Variants in CUBN observed in about 807,000 individuals in gnomAD.
CUBN encodes the protein cubilin, also known as 460 kDa receptor.
A neutral mutation model predicts 405.3 loss-of-function variants in CUBN; 282 were observed. That is an observed-to-expected ratio of 0.70 (90% CI 0.63 to 0.77). CUBN has a LOEUF of 0.77. Ranked by LOEUF, CUBN falls within the 30% of genes least tolerant of loss-of-function variation. CUBN has a pLI of 0.00. For synonymous variants in CUBN, 1,684 were observed against 1,617.0 expected (o/e 1.04, Z -0.99); for missense variants, 4,514 against 4,475.2 (o/e 1.01, Z -0.25).
intron 31 of CUBN, among the ~76,000 whole-genome samples, chr10:16,959,417 T>G (rs1004555142): frequency 5.3e-5 from 8 of 152,052 alleles, no homozygotes; most frequent in Non-Finnish European, 1.0e-4. Context: ...TCACCTGAAG[T>G]CGGGAGTTCA....
Position 16,877,012 on chromosome 10 carries a change from A to G in CUBN, c.8991T>C (p.Thr2997=). The stretch of plus-strand genomic sequence containing the variant: ...GAGCTGGCATCTCATCCCCACACAC[A>G]GTAGCAAATGGGGTGGACATGACGC... The part of the protein sequence containing the change: ...GYSVMSTPFA[T]VCGDEMPAPL... The change falls in exon 57 of 67, where the codon ACT becomes ACC. Residue 2997 remains threonine (T), a synonymous_variant. Transcript: ENST00000377833. 1 of 1,614,106 alleles carries G rather than the reference A, an allele frequency of 6.2e-7. No individual in the cohort carries two copies.
chr10:16,879,623 C>T (rs1840611725), intron 56 of CUBN, among the ~76,000 whole-genome samples: 1 of 152,196 alleles, frequency 6.6e-6, no homozygotes, highest in Non-Finnish European at 1.5e-5. Flanking sequence ...GTCCCCTGGC[C>T]ATAGACCTTG....
intron 22 of CUBN, among the ~76,000 whole-genome samples, chr10:17,048,569 C>G (rs1219724965): frequency 6.6e-6 from 1 of 151,928 alleles, no homozygotes; most frequent in African/African-American, 2.4e-5. Flanking sequence ...CCTCTGCCCC[C>G]CGAGTTCAAG....
intron 27 of CUBN, among the ~76,000 whole-genome samples, chr10:17,020,829 T>C (rs1287881966): frequency 6.6e-6 from 1 of 152,228 alleles, no homozygotes; most frequent in Non-Finnish European, 1.5e-5. Context: ...TTCCAATCTT[T>C]TGCTGATATA....
chr10:16,909,323 T>C (rs964250445), intron 48 of CUBN, among the ~76,000 whole-genome samples: 1 of 152,190 alleles, frequency 6.6e-6, no homozygotes, highest in Non-Finnish European at 1.5e-5. Flanking sequence ...TGCCAGTCTT[T>C]GCTTATCATC....
At position 16,913,796 on chromosome 10, in the gene CUBN, G is replaced by T. The variant is rs1459877181; in HGVS notation, c.7533+15C>A. 6.2e-7 allele frequency: 1 copy of T among 1,612,530 alleles called. No individual in the cohort carries two copies. The highest frequency in any genetic ancestry group is 1.1e-5 in the South Asian group (1 of 91,022). ...ATGATGGAATATAACATCTCAGGCG[G>T]CAGGGAACACTTACTATCACATGCT... On this transcript the variant is annotated intron_variant, in intron 48 of 66. Transcript: ENST00000377833.
At chr10:16,939,215 A>C in intron 37 of CUBN, 68 bp from the exon 38 acceptor site, 1 of 1,280,660 alleles carries the variant, frequency 7.8e-7, no homozygotes, top group Non-Finnish European at 1.1e-6. Flanking sequence ...TGAAAAAAAC[A>C]AAAGGCAAAG....
intron 54 of CUBN, among the ~76,000 whole-genome samples, chr10:16,898,146 C>T (rs1166968965): frequency 1.3e-5 from 2 of 150,956 alleles, no homozygotes; most frequent in African/African-American, 4.9e-5. Context: ...AGATATAAAA[C>T]ATCATTTGAG....
chr10:16,931,351 C>T (rs574909944), intron 40 of CUBN, among the ~76,000 whole-genome samples: 443 of 151,942 alleles, frequency 2.9e-3, no homozygotes, highest in Non-Finnish European at 5.0e-3. Context: ...ACAGACCAGG[C>T]ACTCAATAAC....
intron 22 of CUBN, among the ~76,000 whole-genome samples, chr10:17,049,735 C>A (rs1368686206): frequency 6.6e-6 from 1 of 152,156 alleles, no homozygotes; most frequent in African/African-American, 2.4e-5. Context: ...ACCCAACAAC[C>A]CCTGCCAATA....
At chr10:16,904,229 ATT>A in intron 50 of CUBN, 114 bp from the exon 51 acceptor site, 1 of 983,648 alleles carries the variant, frequency 1.0e-6, no homozygotes, top group Non-Finnish European at 1.6e-6. Context: ...TTAAATTCTG[ATT>A]TAGTAGCAGA....
chr10:17,109,750 A>G lies in CUBN; in HGVS notation c.1016-15T>C. On this transcript the variant is annotated splice_polypyrimidine_tract_variant and intron_variant, in intron 9 of 66. Transcript: ENST00000377833. ...ACCCTGGTACCCTGATGAGAACAAG[A>G]GCCAGGTCATAAGAAACAATGTCAA... The G allele has an allele frequency of 5.0e-6, 8 of 1,602,102 alleles. No homozygotes were observed. The highest frequency in any genetic ancestry group is 1.3e-5 in the African/African-American group (1 of 74,786).
intron 27 of CUBN, among the ~76,000 whole-genome samples, chr10:17,036,473 T>C (rs1310716864): frequency 6.6e-6 from 1 of 151,932 alleles, no homozygotes; most frequent in Admixed American, 6.6e-5. Context: ...CTCCTGTGTG[T>C]GGGGAGGTGT....
chr10:16,922,434 A>G (rs1842060978), intron 43 of CUBN, among the ~76,000 whole-genome samples: 1 of 152,094 alleles, frequency 6.6e-6, no homozygotes, highest in South Asian at 2.1e-4. Context: ...CTCTCTCTTC[A>G]GCCTTCCCCA....
rs757543454 is a variant in CUBN, at chr10:17,123,598, G to C, written c.479C>G (p.Pro160Arg). The change falls in exon 5 of 67, where the codon CCA becomes CGA. Residue 160 changes from proline (P) to arginine (R), a missense_variant. Physicochemically the swap from Pro to Arg is moderately radical, Grantham distance 103. This residue lies in a region of CUBN where 1,448 missense variants were observed against 1,388.0 expected (regional missense o/e 1.04). Transcript: ENST00000377833. ...LHDSFFCICPPQWKGPLCSAD... is the reference protein window; with the variant it reads ...LHDSFFCICPRQWKGPLCSAD... Reference sequence around the variant, plus strand: ...GAGTAGATGACTCACCTTCCACTGTGGGGGACAGATACAAAAAAAGGAATC... The same window carrying C: ...GAGTAGATGACTCACCTTCCACTGTCGGGGACAGATACAAAAAAAGGAATC... 13 of 1,612,642 alleles carry C rather than the reference G, an allele frequency of 8.1e-6. No homozygotes were observed. The highest frequency in any genetic ancestry group is 1.0e-5 in the Non-Finnish European group (12 of 1,178,854).
chr10:17,058,329 T>G (rs1835436530), intron 22 of CUBN, among the ~76,000 whole-genome samples: 1 of 151,992 alleles, frequency 6.6e-6, no homozygotes, highest in Non-Finnish European at 1.5e-5. Flanking sequence ...GGTAGTTAAA[T>G]GGGTGTACAC....
At chr10:17,066,519 T>C (rs920353348) in intron 21 of CUBN, among the ~76,000 whole-genome samples, 1 of 152,052 alleles carries the variant, frequency 6.6e-6, no homozygotes, top group African/African-American at 2.4e-5. Context: ...TGGTGTATAA[T>C]ACCATTGCAG....
intron 31 of CUBN, among the ~76,000 whole-genome samples, chr10:16,957,901 A>G (rs924889429): frequency 2.6e-5 from 4 of 151,874 alleles, no homozygotes; most frequent in Non-Finnish European, 4.4e-5. Flanking sequence ...TTCTCAAAAA[A>G]AAAAAAAAGA....
chr10:17,030,274 A>T (rs1259653596), intron 27 of CUBN, among the ~76,000 whole-genome samples: 1 of 152,056 alleles, frequency 6.6e-6, no homozygotes, highest in Admixed American at 6.5e-5. Flanking sequence ...ATCATCCTGA[A>T]ACCACCCTCC....
Sources: gnomAD v4.1 joint callset for allele counts (sites outside exome capture counted in the v4.1 genomes callset) on GRCh38, gnomAD v4.1.1 for gene constraint, gnomAD v4.1.1 regional missense constraint, MANE v1.5 for transcripts, NCBI Gene and HGNC (gene_info 2026-07-23, HGNC 2026-07-21) for gene names.